FCHO2: variants seen among roughly 807,000 people sequenced by gnomAD.
FCHO2 encodes FCH and mu domain containing endocytic adaptor 2, also known as F-BAR domain only protein 2.
FCHO2 carries 43 observed loss-of-function variants against 114.1 expected under a neutral mutation model. That is an observed-to-expected ratio of 0.38 (90% CI 0.30 to 0.49). The LOEUF (loss-of-function observed/expected upper bound fraction) is 0.49. FCHO2 is among the 20% of genes least tolerant of loss of function. FCHO2 has a pLI of 0.97. For synonymous variants in FCHO2, 293 were observed against 315.2 expected (o/e 0.93, Z 0.75); for missense variants, 807 against 950.4 (o/e 0.85, Z 1.98).
chr5:72,984,965 T>C (rs945133594), intron 2 of FCHO2, among the ~76,000 whole-genome samples: 1 of 152,168 alleles, frequency 6.6e-6, no homozygotes, highest in Admixed American at 6.5e-5. Flanking sequence ...TTGGTTGATA[T>C]GCCTTTTGAG....
At chr5:73,017,708 AT>A (rs1327950026) in intron 8 of FCHO2, among the ~76,000 whole-genome samples, 3 of 152,154 alleles carry the variant, frequency 2.0e-5, no homozygotes, top group African/African-American at 7.2e-5. Context: ...CGCTCAGAAC[AT>A]TGAGACCAAC....
chr5:72,977,455 C>T (rs1333825422), intron 2 of FCHO2, among the ~76,000 whole-genome samples: 1 of 152,068 alleles, frequency 6.6e-6, no homozygotes, highest in Non-Finnish European at 1.5e-5. Flanking sequence ...TATACTTTGC[C>T]CACTTTTTGA....
At chr5:73,050,290 TCTG>T (rs1314379987) in intron 11 of FCHO2, among the ~76,000 whole-genome samples, 1 of 146,268 alleles carries the variant, frequency 6.8e-6, no homozygotes, top group Non-Finnish European at 1.5e-5. Flanking sequence ...TGTTTAGCTT[TCTG>T]CTATTTATTT....
At chr5:72,957,070 G>A (rs1451848279) in intron 1 of FCHO2, among the ~76,000 whole-genome samples, 2 of 152,268 alleles carry the variant, frequency 1.3e-5, no homozygotes, top group South Asian at 2.1e-4. Flanking sequence ...AGTAAGGAAT[G>A]TATGTTAAAT....
At chr5:73,007,248 C>T (rs538153299) in intron 6 of FCHO2, among the ~76,000 whole-genome samples, 92 of 152,052 alleles carry the variant, frequency 6.1e-4, no homozygotes, top group African/African-American at 2.0e-3. Context: ...TCTCATGCTG[C>T]GTGTTCATTA....
At chr5:72,969,582 A>G (rs868393181) in intron 2 of FCHO2, among the ~76,000 whole-genome samples, 1 of 152,156 alleles carries the variant, frequency 6.6e-6, no homozygotes, top group Non-Finnish European at 1.5e-5. Flanking sequence ...CTCTTCCCCT[A>G]CACTTCACTA....
rs543531672 is a variant in FCHO2, at chr5:72,971,387, G to A, written c.125+2798G>A. On this transcript the variant is annotated intron_variant, in intron 2 of 25. Coordinates refer to ENST00000430046, the MANE Select transcript of FCHO2 (RefSeq NM_138782.3). ...GTTGTTTCCTGACTTTTTAATGATT[G>A]CCATTCTAACTGGTGTGAGATGGTA... Among the ~76,000 whole-genome samples the A allele has an allele frequency of 6.6e-5, 10 of 152,188 alleles. No homozygotes were observed. In the East Asian group the frequency reaches 1.2e-3, roughly 18 times the overall value.
intron 5 of FCHO2, among the ~76,000 whole-genome samples, chr5:73,003,993 A>G (rs1435066953): frequency 6.9e-6 from 1 of 144,978 alleles, no homozygotes; most frequent in Admixed American, 7.2e-5. Context: ...GGTTGCAGTG[A>G]GCCAAGATTG....
rs4704052 is a variant in FCHO2, at chr5:73,080,306, T to C, written c.1981-1477T>C. On this transcript the variant is annotated intron_variant, in intron 22 of 25. Coordinates refer to ENST00000430046, the MANE Select transcript of FCHO2 (RefSeq NM_138782.3). ...TTCGCTTTATCCAGTATTAAGAAGG[T>C]TATGATCACTTGTTAATAGGATGCA... Among the ~76,000 whole-genome samples the C allele has an allele frequency of 2.8e-4, 43 of 152,320 alleles. No homozygotes were observed. The East Asian group carries it at 4.6e-3, about 16-fold the overall frequency.
chr5:73,042,673 C>T (rs1048607807), intron 11 of FCHO2, among the ~76,000 whole-genome samples: 1 of 152,126 alleles, frequency 6.6e-6, no homozygotes, highest in African/African-American at 2.4e-5. Flanking sequence ...TTATCAGAGA[C>T]TGGCAGAGCA....
intron 19 of FCHO2, among the ~76,000 whole-genome samples, chr5:73,071,928 T>A (rs887691701): frequency 8.6e-5 from 13 of 152,014 alleles, no homozygotes; most frequent in African/African-American, 3.1e-4. Flanking sequence ...GAAAAGAATA[T>A]TTATGCAGGT....
intron 19 of FCHO2, among the ~76,000 whole-genome samples, chr5:73,069,610 T>A (rs543050986): frequency 6.6e-6 from 1 of 152,118 alleles, no homozygotes; most frequent in South Asian, 2.1e-4. Flanking sequence ...GGCTGTAATT[T>A]GAGTGATGGG....
At chr5:73,061,424 G>T (rs1757848226) in intron 17 of FCHO2, among the ~76,000 whole-genome samples, 1 of 151,982 alleles carries the variant, frequency 6.6e-6, no homozygotes, top group African/African-American at 2.4e-5. Context: ...ATGGATTTAT[G>T]TTTAATTCTA....
chr5:72,983,509 A>T (rs1753344291), intron 2 of FCHO2, among the ~76,000 whole-genome samples: 1 of 143,648 alleles, frequency 7.0e-6, no homozygotes, highest in South Asian at 2.2e-4. Context: ...GACTATACAT[A>T]TGTGGCACCA....
intron 5 of FCHO2, among the ~76,000 whole-genome samples, chr5:72,995,590 A>G (rs1754048460): frequency 1.3e-5 from 2 of 152,182 alleles, no homozygotes; most frequent in South Asian, 4.1e-4. Flanking sequence ...ATTTTTTACA[A>G]TTATGGAGGA....
intron 9 of FCHO2, among the ~76,000 whole-genome samples, chr5:73,036,867 G>A (rs1280753508): frequency 6.6e-6 from 1 of 152,078 alleles, no homozygotes; most frequent in Non-Finnish European, 1.5e-5. Flanking sequence ...CTTATTATGT[G>A]TAAGGTGACT....
At chr5:72,967,571 T>C (rs941435362) in intron 1 of FCHO2, among the ~76,000 whole-genome samples, 2 of 152,192 alleles carry the variant, frequency 1.3e-5, no homozygotes, top group African/African-American at 4.8e-5. Context: ...GAAAGGTCCA[T>C]GTTTATCTTT....
intron 18 of FCHO2, among the ~76,000 whole-genome samples, chr5:73,067,600 A>G (rs1257049946): frequency 6.6e-6 from 1 of 152,076 alleles, no homozygotes; most frequent in Non-Finnish European, 1.5e-5. Flanking sequence ...TAGTGTATGA[A>G]TGCAAGTAGG....
chr5:73,071,761 C>T (rs529132114), intron 19 of FCHO2, among the ~76,000 whole-genome samples: 6 of 151,946 alleles, frequency 3.9e-5, no homozygotes, highest in South Asian at 2.1e-4. Context: ...ATAGAAAATA[C>T]GAAAGGGAAT....
Sources: gnomAD v4.1 joint callset for allele counts (sites outside exome capture counted in the v4.1 genomes callset) on GRCh38, gnomAD v4.1.1 for gene constraint, MANE v1.5 for transcripts, NCBI Gene and HGNC (gene_info 2026-07-23, HGNC 2026-07-21) for gene names.